GLB1: variants seen among roughly 807,000 people sequenced by gnomAD.
The protein encoded by GLB1 is galactosidase beta 1, also known as beta-galactosidase.
A neutral mutation model predicts 74.0 loss-of-function variants in GLB1; 56 were observed. The ratio of observed to expected loss-of-function variants is 0.76; its 90% CI spans 0.61 to 0.94. The LOEUF (loss-of-function observed/expected upper bound fraction) is 0.94, where lower values mean the gene tolerates loss of function less well. GLB1 is among the 40% of genes least tolerant of loss of function. GLB1 has a pLI of 0.00. For missense variants in GLB1, 787 were observed against 845.5 expected (o/e 0.93, Z 0.86); for synonymous variants, 323 against 323.6 (o/e 1.00, Z 0.02).
rs75741003 is a variant in GLB1, at chr3:33,058,791, G to T, written c.553-522C>A. ...AACTGGCATATTATATGCACCAATTGTAATTGTGTTTTCCCTTAATATACT... is the reference window on the plus strand; with the variant it reads ...AACTGGCATATTATATGCACCAATTTTAATTGTGTTTTCCCTTAATATACT... On this transcript the variant is annotated intron_variant, in intron 5 of 15. Coordinates refer to ENST00000307363, the MANE Select transcript of GLB1 (RefSeq NM_000404.4). Among the ~76,000 whole-genome samples, 77 of 152,196 alleles carry T rather than the reference G, an allele frequency of 5.1e-4. 1 individual carries two copies. The East Asian group carries it at 0.014, about 28-fold the overall frequency.
the GLB1 span, among the ~76,000 whole-genome samples, chr3:32,967,698 G>A: frequency 8.5e-5 from 13 of 152,230 alleles, no homozygotes; most frequent in East Asian, 3.9e-4. Context: ...CTGGGAGCTC[G>A]CCCATGAATG....
chr3:33,027,757 G>A (rs903296662), intron 10 of GLB1, among the ~76,000 whole-genome samples: 9 of 152,232 alleles, frequency 5.9e-5, no homozygotes, highest in African/African-American at 2.2e-4. Context: ...ACTCCAGCCT[G>A]GGTGACAGAG....
chr3:33,093,842 G>A lies in GLB1; in HGVS notation c.75+3169C>T, dbSNP rs769626189. ...TGATGTAAGCACCCAGGCAGGAGTAGGCCGCCAAGGAAAAGAGATAGGGCT... is the reference window on the plus strand; with the variant it reads ...TGATGTAAGCACCCAGGCAGGAGTAAGCCGCCAAGGAAAAGAGATAGGGCT... On this transcript the variant is annotated intron_variant, in intron 1 of 15. Coordinates refer to ENST00000307363, the MANE Select transcript of GLB1 (RefSeq NM_000404.4). The surrounding 1 kb of genome is among the most constrained non-coding windows in gnomAD (Gnocchi z 6.0). 3 of 1,613,604 alleles carry A rather than the reference G, an allele frequency of 1.9e-6. No homozygotes were observed. The South Asian group carries it at 3.3e-5, about 18-fold the overall frequency.
At chr3:33,096,865 T>C in intron 1 of GLB1, 146 bp downstream of exon 1, 4 of 1,415,532 alleles carry the variant, frequency 2.8e-6, no homozygotes, top group Non-Finnish European at 3.7e-6. Context: ...ACTGCCTGCG[T>C]TCCGCCGGCC....
chr3:33,063,848 C>T (rs1327436188), intron 5 of GLB1, among the ~76,000 whole-genome samples: 2 of 152,124 alleles, frequency 1.3e-5, no homozygotes, highest in Admixed American at 6.6e-5. Context: ...GTGACTCACA[C>T]ATCCCTCTGT....
intron 1 of GLB1, among the ~76,000 whole-genome samples, chr3:33,080,270 G>A (rs1425046052): frequency 1.3e-5 from 2 of 152,108 alleles, no homozygotes; most frequent in African/African-American, 4.8e-5. Flanking sequence ...AGTAGAGACG[G>A]GGTTTCACCA....
chr3:32,965,851 T>G, the GLB1 span, among the ~76,000 whole-genome samples: 3 of 152,198 alleles, frequency 2.0e-5, no homozygotes, highest in Non-Finnish European at 4.4e-5. Context: ...GGCCAAGGTA[T>G]AGCTGGGGCT....
chr3:33,022,564 A>ATTTTTTCTTTTTTTTT (rs1697539804), intron 11 of GLB1, among the ~76,000 whole-genome samples: 1 of 63,746 alleles, frequency 1.6e-5, no homozygotes, highest in Non-Finnish European at 2.9e-5. Flanking sequence ...ACTGGTTAGG[A>ATTTTTTCTTTTTTTTT]TTTTTTTTTT....
At chr3:33,065,929 T>C (rs1022914625) in intron 4 of GLB1, among the ~76,000 whole-genome samples, 22 of 146,528 alleles carry the variant, frequency 1.5e-4, no homozygotes, top group Non-Finnish European at 2.8e-4. Flanking sequence ...GATCGCACCA[T>C]TGCACTCCAG....
chr3:33,021,365 G>T, intron 12 of GLB1: 1 of 625,790 alleles, frequency 1.6e-6, no homozygotes, highest in Non-Finnish European at 2.8e-6. Context: ...AAGAAGTGGG[G>T]CAAAAAATAT....
the GLB1 span, among the ~76,000 whole-genome samples, chr3:32,966,149 A>C: frequency 1.3e-5 from 2 of 152,158 alleles, no homozygotes; most frequent in Non-Finnish European, 2.9e-5. Context: ...CAGACCCTAG[A>C]ATGGTAGATC....
the GLB1 span, among the ~76,000 whole-genome samples, chr3:32,971,987 A>C: frequency 6.6e-6 from 1 of 152,178 alleles, no homozygotes; most frequent in Non-Finnish European, 1.5e-5. Flanking sequence ...TATCCAGTTT[A>C]TGATAAAAAT....
At chr3:33,025,743 TG>T (rs1697717285) in intron 10 of GLB1, among the ~76,000 whole-genome samples, 1 of 151,376 alleles carries the variant, frequency 6.6e-6, no homozygotes, top group African/African-American at 2.4e-5. Context: ...TCGTGGGCCG[TG>T]GCGGTGGGAG....
rs959353985 is a variant in GLB1, at chr3:32,997,258, G to C, written c.1821C>G (p.Ile607Met). 1.2e-6 allele frequency: 2 copies of C among 1,614,202 alleles called. No homozygotes were observed. Among genetic ancestry groups the C allele is most frequent in the South Asian group, 1.1e-5 (1 of 91,084 alleles). ...TGGTGTTTGGGGCCGAGGTCATCAGGATGTGCTGGGGCACAAACAAGGTCA... is the reference window on the plus strand; with the variant it reads ...TGGTGTTTGGGGCCGAGGTCATCAGCATGTGCTGGGGCACAAACAAGGTCA... ...PQLTLFVPQH[I>M]LMTSAPNTIT... Residue 607 changes from isoleucine to methionine, a missense_variant, in exon 16 of 16, where the codon ATC becomes ATG. Coordinates refer to ENST00000307363, the MANE Select transcript of GLB1 (RefSeq NM_000404.4).
intron 4 of GLB1, among the ~76,000 whole-genome samples, chr3:33,066,429 C>A (rs1248774784): frequency 6.6e-6 from 1 of 152,146 alleles, no homozygotes; most frequent in African/African-American, 2.4e-5. Context: ...CCATGTGATG[C>A]CCTGTGCCCC....
chr3:33,094,755 A>T (rs943417062), intron 1 of GLB1, among the ~76,000 whole-genome samples: 1 of 152,214 alleles, frequency 6.6e-6, no homozygotes, highest in Non-Finnish European at 1.5e-5. Context: ...TAAACATGAA[A>T]ATTTGACTGT....
chr3:33,028,141 C>T (rs1198420142), intron 10 of GLB1, among the ~76,000 whole-genome samples: 3 of 152,190 alleles, frequency 2.0e-5, no homozygotes, highest in South Asian at 2.1e-4. Flanking sequence ...TGAACTCAAG[C>T]GATCCTCCCA....
At chr3:33,024,398 T>G in intron 10 of GLB1, 73 bp from the exon 11 acceptor site, 1 of 1,491,000 alleles carries the variant, frequency 6.7e-7, no homozygotes, top group Non-Finnish European at 9.0e-7. Flanking sequence ...TCATAAAATT[T>G]ATTATTTGAA....
At chr3:33,068,328 C>T (rs377663191) in intron 3 of GLB1, 38 bp from the exon 4 acceptor site, 18 of 1,613,164 alleles carry the variant, frequency 1.1e-5, no homozygotes, top group African/African-American at 5.3e-5. Context: ...ATGTCTGTTC[C>T]GTGAAGGGTG....
Sources: allele counts gnomAD v4.1 joint callset (sites outside exome capture counted in the v4.1 genomes callset), GRCh38; gene constraint gnomAD v4.1.1; non-coding constraint Gnocchi (gnomAD v3.1); transcripts MANE v1.5; gene names NCBI Gene and HGNC (gene_info 2026-07-23, HGNC 2026-07-21).